Variants in HPSE2 observed in about 807,000 individuals in gnomAD.
The protein encoded by HPSE2 is heparanase 2 (inactive), also known as inactive heparanase-2.
In HPSE2, 38 loss-of-function variants were observed where a neutral mutation model predicts 60.5. That is an observed-to-expected ratio of 0.63 (90% CI 0.48 to 0.82). The LOEUF (loss-of-function observed/expected upper bound fraction) is 0.82, where lower values mean the gene tolerates loss of function less well. Among genes scored for constraint, HPSE2 ranks in the 40% least tolerant of loss-of-function variants. The pLI is 0.00. For synonymous variants in HPSE2, 295 were observed against 293.2 expected (o/e 1.01, Z -0.06); for missense variants, 713 against 740.4 (o/e 0.96, Z 0.43).
intron 9 of HPSE2, among the ~76,000 whole-genome samples, chr10:98,524,252 T>C (rs920734798): frequency 2.0e-5 from 3 of 152,196 alleles, no homozygotes; most frequent in Admixed American, 1.3e-4. Context: ...CTGTGCACAA[T>C]ATGCGTGTCC....
intron 4 of HPSE2, among the ~76,000 whole-genome samples, chr10:98,739,179 G>T (rs566773010): frequency 6.6e-6 from 1 of 152,272 alleles, no homozygotes; most frequent in African/African-American, 2.4e-5. Flanking sequence ...GCAGGGACAT[G>T]GATGAAGCTG....
At chr10:99,278,479 A>G in the HPSE2 span, among the ~76,000 whole-genome samples, 2 of 152,100 alleles carry the variant, frequency 1.3e-5, no homozygotes, top group African/African-American at 4.8e-5. Context: ...CATCATACCT[A>G]ATTTCTATAC....
intron 9 of HPSE2, among the ~76,000 whole-genome samples, chr10:98,571,870 C>G (rs1192940425): frequency 1.3e-5 from 2 of 151,922 alleles, no homozygotes; most frequent in African/African-American, 4.8e-5. Context: ...GAGTCTCACT[C>G]AGATTTCTAT....
intron 2 of HPSE2, among the ~76,000 whole-genome samples, chr10:99,170,526 A>T (rs1847269379): frequency 6.6e-6 from 1 of 152,224 alleles, no homozygotes; most frequent in Non-Finnish European, 1.5e-5. Flanking sequence ...TTCATATGCT[A>T]AATATTTCTA....
At chr10:98,728,962 T>C (rs145134352) in intron 4 of HPSE2, among the ~76,000 whole-genome samples, 54 of 152,152 alleles carry the variant, frequency 3.5e-4, no homozygotes, top group African/African-American at 6.7e-4. Flanking sequence ...TTGGCTGTAG[T>C]TGTACCACTG....
chr10:99,036,490 C>T (rs961094124), intron 3 of HPSE2, among the ~76,000 whole-genome samples: 5 of 152,060 alleles, frequency 3.3e-5, no homozygotes, highest in African/African-American at 1.2e-4. Flanking sequence ...TATTGAATCA[C>T]TACCTAAAGA....
At chr10:99,201,553 C>A (rs1848576310) in intron 2 of HPSE2, among the ~76,000 whole-genome samples, 1 of 152,142 alleles carries the variant, frequency 6.6e-6, no homozygotes, top group East Asian at 1.9e-4. Context: ...TGATCTCAAC[C>A]CCTACAACTT....
At chr10:98,575,789 C>A (rs927058021) in intron 9 of HPSE2, among the ~76,000 whole-genome samples, 1 of 152,168 alleles carries the variant, frequency 6.6e-6, no homozygotes, top group Non-Finnish European at 1.5e-5. Context: ...CTCCAACAAC[C>A]ACCACCATTT....
chr10:99,223,305 A>G (rs1029927300), intron 2 of HPSE2, among the ~76,000 whole-genome samples: 3 of 152,200 alleles, frequency 2.0e-5, no homozygotes, highest in African/African-American at 7.2e-5. Flanking sequence ...CTGGCACATA[A>G]TAAGCATTCA....
At chr10:98,550,906 G>A (rs1372100505) in intron 9 of HPSE2, among the ~76,000 whole-genome samples, 1 of 152,126 alleles carries the variant, frequency 6.6e-6, no homozygotes, top group Non-Finnish European at 1.5e-5. Context: ...ACTGAACTTG[G>A]CCGGGACTAG....
chr10:99,306,013 A>ACACACACACC, the HPSE2 span, among the ~76,000 whole-genome samples: 1 of 148,964 alleles, frequency 6.7e-6, no homozygotes, highest in East Asian at 2.0e-4. Flanking sequence ...ACACACACAC[A>ACACACACACC]CCAGACTGCT....
chr10:98,541,095 T>C (rs373724136), intron 9 of HPSE2, among the ~76,000 whole-genome samples: 1 of 151,936 alleles, frequency 6.6e-6, no homozygotes, highest in African/African-American at 2.4e-5. Context: ...GTGGGGTAAA[T>C]GTTTAGAATC....
intron 3 of HPSE2, among the ~76,000 whole-genome samples, chr10:99,021,083 C>T (rs137984647): frequency 9.1e-4 from 139 of 152,270 alleles, no homozygotes; most frequent in African/African-American, 3.2e-3. Context: ...TATCTGATCC[C>T]TCCATTAAAA....
intron 3 of HPSE2, among the ~76,000 whole-genome samples, chr10:99,079,213 G>A (rs1843048229): frequency 6.6e-6 from 1 of 152,078 alleles, no homozygotes; most frequent in East Asian, 1.9e-4. Flanking sequence ...TCATTCTTTG[G>A]CAGCCCACAG....
At chr10:99,041,434 T>C (rs371673777) in intron 3 of HPSE2, among the ~76,000 whole-genome samples, 14 of 152,292 alleles carry the variant, frequency 9.2e-5, no homozygotes, top group African/African-American at 2.9e-4. Flanking sequence ...ACTTCTGCCA[T>C]GGATCTTTGC....
intron 3 of HPSE2, among the ~76,000 whole-genome samples, chr10:98,757,315 T>C (rs1452187718): frequency 6.6e-6 from 1 of 152,158 alleles, no homozygotes; most frequent in Non-Finnish European, 1.5e-5. Flanking sequence ...AACATAGTAC[T>C]GGAAGTCCTA....
At chr10:99,211,543 C>T (rs540734617) in intron 2 of HPSE2, among the ~76,000 whole-genome samples, 1 of 152,096 alleles carries the variant, frequency 6.6e-6, no homozygotes, top group East Asian at 1.9e-4. Flanking sequence ...AACCGAGACG[C>T]CAGAAATGGA....
At chr10:98,675,579 A>ACACAC (rs59595985) in intron 6 of HPSE2, among the ~76,000 whole-genome samples, 12,397 of 122,186 alleles carry the variant, frequency 0.1, 691 homozygotes, top group Admixed American at 0.17. Context: ...CACACACACA[A>ACACAC]TAACCAGCCA....
intron 9 of HPSE2, among the ~76,000 whole-genome samples, chr10:98,541,926 C>G (rs1318920954): frequency 6.6e-6 from 1 of 151,972 alleles, no homozygotes; most frequent in Non-Finnish European, 1.5e-5. Context: ...GTAACCTCTG[C>G]AGACTTAAAT....
Sources: allele counts gnomAD v4.1 joint callset (sites outside exome capture counted in the v4.1 genomes callset), GRCh38; gene constraint gnomAD v4.1.1; transcripts MANE v1.5; gene names NCBI Gene and HGNC (gene_info 2026-07-23, HGNC 2026-07-21).